Variants in ZNF429 observed in about 807,000 individuals in gnomAD.
ZNF429 encodes the protein zinc finger protein 429.
In ZNF429, 53 loss-of-function variants were observed where a neutral mutation model predicts 56.8. The ratio of observed to expected loss-of-function variants is 0.93; its 90% CI spans 0.75 to 1.17. The LOEUF is 1.17. Among genes scored for constraint, ZNF429 ranks in the 50% most tolerant of loss-of-function variants. ZNF429 has a pLI of 0.00. For synonymous variants in ZNF429, 278 were observed against 264.7 expected (o/e 1.05, Z -0.49); for missense variants, 849 against 788.4 (o/e 1.08, Z -0.92).
intron 1 of ZNF429, among the ~76,000 whole-genome samples, chr19:21,507,337 C>T (rs2145407833): frequency 6.6e-6 from 1 of 152,254 alleles, no homozygotes; most frequent in Middle Eastern, 3.4e-3. Context: ...AACTATTTGT[C>T]CTTTAGTGTA....
chr19:21,536,876 C>A lies in ZNF429; in HGVS notation c.823C>A (p.His275Asn), dbSNP rs773800388. The A allele has an allele frequency of 1.2e-6, 2 of 1,613,796 alleles. No individual in the cohort carries two copies. The highest frequency in any genetic ancestry group is 3.3e-5 in the Admixed American group (2 of 59,998). ...TAGCAGGTACTCAACCCTTACTACC[C>A]ATAAGAGAATTCATTCTGGAGAGAA... is the stretch of plus-strand genomic sequence containing the variant. ...AFSRYSTLTTHKRIHSGEKPY... is the reference protein window; with the variant it reads ...AFSRYSTLTTNKRIHSGEKPY... The change falls in exon 4 of 4, where the codon CAT becomes AAT. Residue 275 changes from histidine (H) to asparagine (N), a missense_variant. Coordinates refer to ENST00000358491, the MANE Select transcript of ZNF429 (RefSeq NM_001001415.4).
intron 1 of ZNF429, among the ~76,000 whole-genome samples, chr19:21,509,019 A>ATT (rs573196717): frequency 2.8e-5 from 4 of 143,822 alleles, no homozygotes; most frequent in African/African-American, 1.0e-4. Flanking sequence ...TGTTTACTAC[A>ATT]TTTTTTTTTT....
chr19:21,513,190 G>C (rs2145423744), intron 1 of ZNF429, among the ~76,000 whole-genome samples: 1 of 152,190 alleles, frequency 6.6e-6, no homozygotes, highest in South Asian at 2.1e-4. Flanking sequence ...AATGGTAATG[G>C]GGTTTCTTTC....
Position 21,537,860 on chromosome 19 carries a change from A to T in ZNF429, c.1807A>T (p.Asn603Tyr). The change falls in exon 4 of 4, where the codon AAT becomes TAT. Residue 603 changes from asparagine to tyrosine, a missense_variant. Asn to Tyr is a moderately radical substitution (Grantham distance 143). Transcript: ENST00000358491. Reference sequence around the variant, plus strand: ...ATGTGAAGAATGTGGCAAAGCTTTTAATCGGTCCTCAAGACTTACTCAACA... The same window carrying T: ...ATGTGAAGAATGTGGCAAAGCTTTTTATCGGTCCTCAAGACTTACTCAACA... ...YKCEECGKAF[N>Y]RSSRLTQHKK... 1.2e-6 allele frequency: 2 copies of T among 1,614,098 alleles called. No homozygotes were observed. The highest frequency in any genetic ancestry group is 1.7e-6 in the Non-Finnish European group (2 of 1,180,014).
intron 1 of ZNF429, among the ~76,000 whole-genome samples, chr19:21,526,090 CTGTT>C (rs2033163045): frequency 2.2e-5 from 2 of 92,550 alleles, no homozygotes; most frequent in South Asian, 6.9e-4. Context: ...TTGCTGCCTT[CTGTT>C]TGTTCTGTAA....
intron 3 of ZNF429, 96 bp from the exon 4 acceptor site, chr19:21,536,184 C>A: frequency 1.6e-6 from 2 of 1,276,408 alleles, no homozygotes; most frequent in Non-Finnish European, 2.1e-6. Context: ...TGCTGTGTTG[C>A]TTACGTAGTT....
At chr19:21,520,497 AT>A (rs762049183) in intron 1 of ZNF429, among the ~76,000 whole-genome samples, 1 of 150,476 alleles carries the variant, frequency 6.6e-6, no homozygotes. Flanking sequence ...ACCATTTGTC[AT>A]TTTTTTTTGA....
At chr19:21,533,879 T>G in intron 3 of ZNF429, among the ~76,000 whole-genome samples, 2 of 152,030 alleles carry the variant, frequency 1.3e-5, no homozygotes, top group Admixed American at 1.3e-4. Context: ...TGTATTGATA[T>G]CCAGTTTCCA....
chr19:21,534,094 G>T, intron 3 of ZNF429, among the ~76,000 whole-genome samples: 1 of 151,820 alleles, frequency 6.6e-6, no homozygotes, highest in Non-Finnish European at 1.5e-5. Flanking sequence ...CTTTTTCATG[G>T]GTGTTTGGCT....
At chr19:21,510,721 C>G (rs1478282349) in intron 1 of ZNF429, among the ~76,000 whole-genome samples, 3 of 151,030 alleles carry the variant, frequency 2.0e-5, no homozygotes, top group Admixed American at 6.6e-5. Context: ...GGCAGAGGAC[C>G]CTGTGGCCTT....
intron 1 of ZNF429, among the ~76,000 whole-genome samples, chr19:21,512,240 G>A (rs1348944643): frequency 6.6e-6 from 1 of 152,150 alleles, no homozygotes; most frequent in Non-Finnish European, 1.5e-5. Flanking sequence ...GAGTGTGGCA[G>A]TGAGGACAAT....
chr19:21,525,872 A>G (rs1228805927), intron 1 of ZNF429, among the ~76,000 whole-genome samples: 1 of 152,288 alleles, frequency 6.6e-6, no homozygotes, highest in Admixed American at 6.5e-5. Context: ...AAACAGAAAA[A>G]TTAAAATTCT....
intron 1 of ZNF429, among the ~76,000 whole-genome samples, chr19:21,527,458 C>T (rs1568423415): frequency 6.6e-6 from 1 of 152,154 alleles, no homozygotes. Context: ...AGGCCAGAAT[C>T]AAGTATGAAA....
Position 21,532,573 on chromosome 19 carries a change from CA to C in ZNF429, c.226+1890del. ...ACAATGAAAAAGCAGTCAGATTATG[CA>C]GTATATTATATGCCATGAAGAGGGT... On this transcript the variant is annotated intron_variant, in intron 3 of 3. Coordinates refer to ENST00000358491, the MANE Select transcript of ZNF429 (RefSeq NM_001001415.4). Among the ~76,000 whole-genome samples the C allele has an allele frequency of 1.1e-4, 17 of 152,152 alleles. No individual in the cohort carries two copies. In the South Asian group the frequency reaches 3.5e-3, roughly 32 times the overall value.
chr19:21,522,114 G>C (rs2033005756), intron 1 of ZNF429, among the ~76,000 whole-genome samples: 1 of 152,180 alleles, frequency 6.6e-6, no homozygotes, highest in African/African-American at 2.4e-5. Context: ...AATGTAAATA[G>C]CCAAAAAGAT....
intron 3 of ZNF429, among the ~76,000 whole-genome samples, chr19:21,533,372 A>G: frequency 1.3e-5 from 2 of 152,050 alleles, no homozygotes; most frequent in African/African-American, 4.8e-5. Flanking sequence ...TGTGATTTGC[A>G]TACATTTTCA....
At chr19:21,511,761 C>T (rs961425803) in intron 1 of ZNF429, among the ~76,000 whole-genome samples, 3 of 152,078 alleles carry the variant, frequency 2.0e-5, no homozygotes, top group Admixed American at 6.5e-5. Context: ...GCCGAGATCA[C>T]GCCACTGCAC....
chr19:21,526,131 T>G (rs2033164244), intron 1 of ZNF429, among the ~76,000 whole-genome samples: 1 of 152,184 alleles, frequency 6.6e-6, no homozygotes, highest in Non-Finnish European at 1.5e-5. Context: ...TTTTTCAGGT[T>G]TTTGAGAAGC....
chr19:21,531,136 A>ACAAAAC, intron 3 of ZNF429, among the ~76,000 whole-genome samples: 10 of 130,130 alleles, frequency 7.7e-5, no homozygotes, highest in East Asian at 4.5e-4. Flanking sequence ...AAAACCAAAA[A>ACAAAAC]AAAAAAAACA....
Sources: allele counts gnomAD v4.1 joint callset (sites outside exome capture counted in the v4.1 genomes callset), GRCh38; gene constraint gnomAD v4.1.1; transcripts MANE v1.5; gene names NCBI Gene and HGNC (gene_info 2026-07-23, HGNC 2026-07-21).